Variants in ZNF665 observed in about 807,000 individuals in gnomAD.
ZNF665 encodes zinc finger protein 665.
In ZNF665, 6 loss-of-function variants were observed where a neutral mutation model predicts 7.9. The ratio of observed to expected loss-of-function variants is 0.76; its 90% CI spans 0.42 to 1.50. ZNF665 has a LOEUF of 1.50. Among genes scored for constraint, ZNF665 ranks in the 40% most tolerant of loss-of-function variants. The pLI is 0.01. For synonymous variants in ZNF665, 242 were observed against 274.5 expected, an observed-to-expected ratio of 0.88 and a Z score of 1.17; for missense variants, 819 against 806.7, an observed-to-expected ratio of 1.02 and a Z score of -0.18.
At chr19:53,182,528 A>T (rs2090745575) in intron 2 of ZNF665, 10 of 649,228 alleles carry the variant, frequency 1.5e-5, no homozygotes, top group Non-Finnish European at 2.8e-5. Flanking sequence ...ATCTGACTTC[A>T]TAACCAGCTT....
chr19:53,178,875 G>A (rs1206375337), intron 2 of ZNF665, among the ~76,000 whole-genome samples: 1 of 152,294 alleles, frequency 6.6e-6, no homozygotes, highest in East Asian at 1.9e-4. Context: ...GCACGCATTT[G>A]GAAGACAACC....
At position 53,163,417 on chromosome 19, in the gene ZNF665, A is replaced by G. The variant is rs575542318; in HGVS notation, c.*1036T>C. The G allele has an allele frequency of 6.6e-6, 1 of 152,326 alleles. No individual in the cohort carries two copies. Among genetic ancestry groups the G allele is most frequent in the East Asian group, 1.9e-4 (1 of 5,178 alleles). The allele number at this position is 152,326 out of a possible 1,614,324, so 9.4% of individuals were successfully genotyped here. On this transcript the variant is annotated 3_prime_UTR_variant, in exon 4 of 4. Transcript: ENST00000396424. ...TGCAATAAGGATGATGAGTGACATCATAGTTCATCATCCTCTGCCCTTTCC... is the reference window on the plus strand; with the variant it reads ...TGCAATAAGGATGATGAGTGACATCGTAGTTCATCATCCTCTGCCCTTTCC...
chr19:53,165,356 CTCA>C lies in ZNF665; in HGVS notation c.1131_1133del (p.Asn377_Glu378delinsLys), dbSNP rs750693078. Reference sequence around the variant, plus strand: ...AATGCATACTGAAGGCTTTCCCACACTCATTACACTTGTAAGGTTTCTCACCAG... The same window carrying C: ...AATGCATACTGAAGGCTTTCCCACACTTACACTTGTAAGGTTTCTCACCAG... On this transcript the variant is annotated inframe_deletion, in exon 4 of 4. Coordinates refer to ENST00000396424, the MANE Select transcript of ZNF665 (RefSeq NM_024733.5). The C allele has an allele frequency of 1.2e-6, 2 of 1,614,098 alleles. No individual in the cohort carries two copies. The highest frequency in any genetic ancestry group is 3.3e-5 in the Admixed American group (2 of 60,030).
intron 3 of ZNF665, among the ~76,000 whole-genome samples, chr19:53,167,563 C>T (rs1033543490): frequency 6.6e-6 from 1 of 151,074 alleles, no homozygotes; most frequent in Non-Finnish European, 1.5e-5. Context: ...TCTCCTGCCT[C>T]AGCCTCCCGA....
At chr19:53,191,926 C>T (rs967336516) in intron 1 of ZNF665, 5 of 152,244 alleles carry the variant, frequency 3.3e-5, no homozygotes, top group African/African-American at 7.2e-5. Flanking sequence ...AACCACCATG[C>T]ATCTGGGCCA....
chr19:53,174,117 A>G (rs1033883803), intron 3 of ZNF665, among the ~76,000 whole-genome samples: 21 of 152,164 alleles, frequency 1.4e-4, no homozygotes, highest in African/African-American at 5.1e-4. Flanking sequence ...GAAATGGGAT[A>G]AAGTATGGAT....
At chr19:53,167,617 T>G (rs1181946084) in intron 3 of ZNF665, among the ~76,000 whole-genome samples, 1 of 150,038 alleles carries the variant, frequency 6.7e-6, no homozygotes, top group African/African-American at 2.5e-5. Flanking sequence ...CGGCTAATTT[T>G]TTGTATTTTT....
At chr19:53,174,575 A>G (rs1010671937) in intron 3 of ZNF665, among the ~76,000 whole-genome samples, 5 of 152,108 alleles carry the variant, frequency 3.3e-5, no homozygotes, top group African/African-American at 1.2e-4. Flanking sequence ...GGTTCTCCAC[A>G]TTCCAGGGCT....
At position 53,164,975 on chromosome 19, in the gene ZNF665, C is replaced by G. The variant is rs775998996; in HGVS notation, c.1515G>C (p.Trp505Cys). Residue 505 changes from tryptophan to cysteine, a missense_variant, in exon 4 of 4, where the codon TGG (tryptophan) becomes TGC (cysteine). Transcript: ENST00000396424. ...AAGGTTTTTCTCCAGTATGAACTCT[C>G]CAATGCCTTGCAAGTTGTGATGTTT... is the stretch of plus-strand genomic sequence containing the variant. ...FSQTSQLARH[W>C]RVHTGEKPYK... The G allele has an allele frequency of 1.1e-5, 17 of 1,612,504 alleles. No homozygotes were observed. Among genetic ancestry groups the G allele is most frequent in the Non-Finnish European group, 2.5e-6 (3 of 1,179,546 alleles).
intron 1 of ZNF665, among the ~76,000 whole-genome samples, chr19:53,188,838 A>G (rs2090791064): frequency 6.6e-6 from 1 of 151,778 alleles, no homozygotes; most frequent in Non-Finnish European, 1.5e-5. Flanking sequence ...ACTGGGATTA[A>G]AAGTGCACAT....
At chr19:53,188,349 T>C (rs2090787782) in intron 1 of ZNF665, among the ~76,000 whole-genome samples, 1 of 1,956 alleles carries the variant, frequency 5.1e-4, no homozygotes, top group East Asian at 3.8e-3. Context: ...AGGCCGAGGC[T>C]GGCGGATCAC....
chr19:53,184,095 C>T (rs1239947080), intron 1 of ZNF665, among the ~76,000 whole-genome samples: 1 of 151,846 alleles, frequency 6.6e-6, no homozygotes, highest in East Asian at 1.9e-4. Context: ...AAAAAAGGTA[C>T]AAAATTTAGT....
rs761307195 is a variant in ZNF665 at position 53,165,837 on chromosome 19, C to A, written c.653G>T (p.Arg218Leu). ...CNKCGKAFTV[R>L]SNLTIHQVIH... The stretch of plus-strand genomic sequence containing the variant: ...GACCTGATGGATTGTTAGGTTTGAA[C>A]GAACAGTAAAGGCTTTGCCACACTT... The change falls in exon 4 of 4, where the codon CGT becomes CTT. Residue 218 changes from arginine (R) to leucine (L), a missense_variant. Coordinates refer to ENST00000396424, the MANE Select transcript of ZNF665 (RefSeq NM_024733.5). 4.3e-6 allele frequency: 7 copies of A among 1,613,684 alleles called. No individual in the cohort carries two copies. In the Admixed American group the frequency reaches 8.3e-5, roughly 19 times the overall value.
chr19:53,185,879 A>G (rs1370998158), intron 1 of ZNF665, among the ~76,000 whole-genome samples: 2 of 152,052 alleles, frequency 1.3e-5, no homozygotes, highest in Non-Finnish European at 2.9e-5. Flanking sequence ...AATAGAGCAT[A>G]GAAGAGGGGA....
chr19:53,172,113 T>G (rs1006181086), intron 3 of ZNF665, among the ~76,000 whole-genome samples: 7 of 152,196 alleles, frequency 4.6e-5, no homozygotes, highest in African/African-American at 1.7e-4. Context: ...ATTCATGACA[T>G]ACCTAATTTT....
chr19:53,173,779 G>T (rs2090676516), intron 3 of ZNF665, among the ~76,000 whole-genome samples: 1 of 152,138 alleles, frequency 6.6e-6, no homozygotes, highest in Admixed American at 6.6e-5. Flanking sequence ...AAGTAAGGTA[G>T]TGTGATGCCT....
chr19:53,164,431 C>T lies in ZNF665; in HGVS notation c.*22G>A, dbSNP rs144934242. ...GGGATTACAGGCGTGAGCCACCACGCCCGGCGTCCTTTGTAAGGTTTCTAT... is the reference window on the plus strand; with the variant it reads ...GGGATTACAGGCGTGAGCCACCACGTCCGGCGTCCTTTGTAAGGTTTCTAT... On this transcript the variant is annotated 3_prime_UTR_variant, in exon 4 of 4. Coordinates refer to ENST00000396424, the MANE Select transcript of ZNF665 (RefSeq NM_024733.5). 1.3e-6 allele frequency: 2 copies of T among 1,530,716 alleles called. No homozygotes were observed. The highest frequency in any genetic ancestry group is 2.3e-5 in the East Asian group (1 of 43,928). 94.8% of individuals were successfully genotyped at this position (1,530,716 alleles called of 1,614,324 possible). A position where few individuals can be genotyped will look rare whatever the true frequency, so the allele number is the denominator to read the frequency against.
chr19:53,168,815 GA>G (rs757536537), intron 3 of ZNF665, among the ~76,000 whole-genome samples: 31 of 152,012 alleles, frequency 2.0e-4, no homozygotes, highest in Non-Finnish European at 4.3e-4. Context: ...ACTGATTTTT[GA>G]CAAAGAATAA....
chr19:53,176,693 C>A (rs1247884021), intron 2 of ZNF665, among the ~76,000 whole-genome samples: 2 of 152,198 alleles, frequency 1.3e-5, no homozygotes, highest in African/African-American at 4.8e-5. Flanking sequence ...CATATCCAGA[C>A]AGTGTAAGAA....
Sources: allele counts gnomAD v4.1 joint callset (sites outside exome capture counted in the v4.1 genomes callset), GRCh38; gene constraint gnomAD v4.1.1; transcripts MANE v1.5; gene names NCBI Gene and HGNC (gene_info 2026-07-23, HGNC 2026-07-21).